MTUS1: variants seen among roughly 807,000 people sequenced by gnomAD.
MTUS1 encodes microtubule associated scaffold protein 1, also known as microtubule-associated tumor suppressor 1.
A neutral mutation model predicts 120.8 loss-of-function variants in MTUS1; 109 were observed. The observed-to-expected ratio is 0.90, with a 90% CI of 0.77 to 1.06. The LOEUF (loss-of-function observed/expected upper bound fraction) is 1.06, where lower values mean the gene tolerates loss of function less well. Among genes scored for constraint, MTUS1 ranks in the 50% least tolerant of loss-of-function variants. The pLI is 0.00. For missense variants in MTUS1, 2,210 were observed against 1,486.3 expected (o/e 1.49, Z -8.01); for synonymous variants, 737 against 550.5 (o/e 1.34, Z -4.74).
intron 3 of MTUS1, among the ~76,000 whole-genome samples, chr8:17,740,952 G>A (rs913992084): frequency 2.0e-5 from 3 of 152,058 alleles, no homozygotes; most frequent in Admixed American, 1.3e-4. Flanking sequence ...TGCAACCTCC[G>A]CCTCCTGGGA....
intron 1 of MTUS1, among the ~76,000 whole-genome samples, chr8:17,786,924 T>C (rs1017174192): frequency 7.2e-5 from 11 of 152,336 alleles, no homozygotes; most frequent in Non-Finnish European, 8.8e-5. Flanking sequence ...CATATACTGT[T>C]TTGTATCACA....
intron 8 of MTUS1, among the ~76,000 whole-genome samples, chr8:17,673,503 G>A (rs1443155504): frequency 1.3e-5 from 2 of 152,168 alleles, no homozygotes; most frequent in Non-Finnish European, 2.9e-5. Flanking sequence ...CCAGACTGGA[G>A]GGCAGCAGCA....
intron 13 of MTUS1, among the ~76,000 whole-genome samples, chr8:17,647,729 C>A (rs1466762727): frequency 6.6e-6 from 1 of 152,190 alleles, no homozygotes; most frequent in African/African-American, 2.4e-5. Context: ...GGCAAACAAA[C>A]TGATCAGCGG....
At chr8:17,784,789 C>T (rs1326000209) in intron 1 of MTUS1, among the ~76,000 whole-genome samples, 1 of 147,250 alleles carries the variant, frequency 6.8e-6, no homozygotes, top group Non-Finnish European at 1.5e-5. Context: ...ACAAGAAGAA[C>T]TTTTTTTTTT....
chr8:17,755,807 TC>T lies in MTUS1; in HGVS notation c.-1del, dbSNP rs747086874. On this transcript the variant is annotated 5_prime_UTR_variant, in exon 2 of 15. Coordinates refer to ENST00000693296, the MANE Select transcript of MTUS1 (RefSeq NM_001363059.2). ...TTATCATCTGAATTATCATCAGTCA[TC>T]CTGAATAGTAACCTTAAACCTCTGC... 13 of 1,610,812 alleles carry T rather than the reference TC, an allele frequency of 8.1e-6. No individual in the cohort carries two copies. Among genetic ancestry groups the T allele is most frequent in the African/African-American group, 1.3e-5 (1 of 74,978 alleles).
intron 13 of MTUS1, 143 bp from the exon 14 acceptor site, chr8:17,647,222 A>T: frequency 1.6e-6 from 1 of 615,676 alleles, no homozygotes. Context: ...ATACACTAAC[A>T]AACATACTGA....
chr8:17,709,165 G>T (rs1820770794), intron 6 of MTUS1, among the ~76,000 whole-genome samples: 1 of 151,290 alleles, frequency 6.6e-6, no homozygotes, highest in African/African-American at 2.4e-5. Flanking sequence ...AGAATTCTGA[G>T]ATAATTTCCC....
At chr8:17,731,322 G>A (rs960049155) in intron 3 of MTUS1, among the ~76,000 whole-genome samples, 15 of 152,242 alleles carry the variant, frequency 9.9e-5, no homozygotes, top group Admixed American at 7.8e-4. Flanking sequence ...GTTCCTCACC[G>A]TTCTGCACTT....
chr8:17,650,115 A>C (rs1806672173), intron 12 of MTUS1, among the ~76,000 whole-genome samples, 153 bp from the exon 13 acceptor site: 1 of 152,262 alleles, frequency 6.6e-6, no homozygotes, highest in African/African-American at 2.4e-5. Context: ...GAAAAACAAG[A>C]GCACCTTAAT....
chr8:17,658,555 G>A (rs1808965608), intron 8 of MTUS1, among the ~76,000 whole-genome samples: 2 of 152,166 alleles, frequency 1.3e-5, no homozygotes, highest in South Asian at 4.1e-4. Context: ...AACTGTCAGG[G>A]ATACACATGC....
At chr8:17,694,051 A>G (rs918834882) in intron 6 of MTUS1, among the ~76,000 whole-genome samples, 6 of 152,194 alleles carry the variant, frequency 3.9e-5, no homozygotes, top group African/African-American at 1.4e-4. Context: ...TTATTATACA[A>G]AAGTGTTCAT....
At chr8:17,784,293 C>CT (rs1379151735) in intron 1 of MTUS1, among the ~76,000 whole-genome samples, 61 of 106,828 alleles carry the variant, frequency 5.7e-4, no homozygotes, top group African/African-American at 2.3e-3. Flanking sequence ...TTTCTTACAA[C>CT]TGTTTTTTTT....
intron 1 of MTUS1, chr8:17,800,610 G>A (rs951442959): frequency 2.0e-5 from 3 of 152,216 alleles, no homozygotes; most frequent in East Asian, 1.9e-4. Flanking sequence ...TAATTAAGAT[G>A]AGATTTTTCT....
chr8:17,655,757 A>T, intron 9 of MTUS1, 106 bp downstream of exon 9: 1 of 943,488 alleles, frequency 1.1e-6, no homozygotes, highest in South Asian at 1.4e-5. Flanking sequence ...CATGCTTTTT[A>T]TACCTATTAG....
chr8:17,676,634 A>G, intron 7 of MTUS1: 1 of 378,956 alleles, frequency 2.6e-6, no homozygotes, highest in Non-Finnish European at 4.7e-6. Flanking sequence ...ATTTAGTTAA[A>G]TATCAGCTGC....
At chr8:17,676,182 C>G in intron 7 of MTUS1, 1 of 694,008 alleles carries the variant, frequency 1.4e-6, no homozygotes, top group Non-Finnish European at 2.6e-6. Flanking sequence ...GCAAGAGTTG[C>G]TTGTCATTCA....
At chr8:17,667,968 G>A (rs906546244) in intron 8 of MTUS1, among the ~76,000 whole-genome samples, 2 of 152,132 alleles carry the variant, frequency 1.3e-5, no homozygotes, top group South Asian at 4.1e-4. Flanking sequence ...ATTATAGGAA[G>A]GGCAAGCATT....
At chr8:17,646,517 G>A (rs887053505) in intron 14 of MTUS1, among the ~76,000 whole-genome samples, 4 of 152,192 alleles carry the variant, frequency 2.6e-5, no homozygotes, top group African/African-American at 4.8e-5. Flanking sequence ...GAGCCTAGGA[G>A]GTGGAGGCTG....
chr8:17,753,228 A>C (rs1158248555), intron 2 of MTUS1, among the ~76,000 whole-genome samples: 6 of 152,172 alleles, frequency 3.9e-5, no homozygotes, highest in Admixed American at 1.3e-4. Flanking sequence ...AAAAATCAAG[A>C]ACACTCTTGC....
Sources: gnomAD v4.1 joint callset for allele counts (sites outside exome capture counted in the v4.1 genomes callset) on GRCh38, gnomAD v4.1.1 for gene constraint, MANE v1.5 for transcripts, NCBI Gene and HGNC (gene_info 2026-07-23, HGNC 2026-07-21) for gene names.